DLC1: variants seen among roughly 807,000 people sequenced by gnomAD.
The protein encoded by DLC1 is DLC1 Rho GTPase activating protein.
Under a neutral mutation model 140.3 loss-of-function variants are expected in DLC1, and 54 were observed. The observed-to-expected ratio is 0.38, with a 90% CI of 0.31 to 0.48. DLC1 has a LOEUF of 0.48. Ranked by LOEUF, DLC1 falls within the 20% of genes least tolerant of loss-of-function variation. DLC1 has a pLI of 0.96. For missense variants in DLC1, 2,536 were observed against 1,907.0 expected, an observed-to-expected ratio of 1.33 and a Z score of -6.14; for synonymous variants, 986 against 728.1, an observed-to-expected ratio of 1.35 and a Z score of -5.70.
At chr8:13,218,699 GA>G (rs1331842086) in intron 5 of DLC1, among the ~76,000 whole-genome samples, 1 of 149,686 alleles carries the variant, frequency 6.7e-6, no homozygotes, top group Non-Finnish European at 1.5e-5. Flanking sequence ...GAAGTCTTTT[GA>G]AATAGTTTGG....
At chr8:13,390,392 T>A (rs928310526) in intron 4 of DLC1, among the ~76,000 whole-genome samples, 5 of 152,210 alleles carry the variant, frequency 3.3e-5, no homozygotes, top group Admixed American at 1.3e-4. Flanking sequence ...GTTGGTTCCA[T>A]GTCTTTGCTA....
chr8:13,453,675 A>G (rs180709877), intron 2 of DLC1, among the ~76,000 whole-genome samples: 2 of 148,416 alleles, frequency 1.3e-5, no homozygotes, highest in East Asian at 4.0e-4. Flanking sequence ...TCCTCAAAAG[A>G]ATTTATAGAA....
intron 2 of DLC1, among the ~76,000 whole-genome samples, chr8:13,455,846 G>T (rs1282737860): frequency 6.6e-6 from 1 of 151,978 alleles, no homozygotes; most frequent in Non-Finnish European, 1.5e-5. Flanking sequence ...ACTGCACTCT[G>T]GCCTGGGCAA....
At position 13,099,943 on chromosome 8, in the gene DLC1, G is replaced by A. The variant is rs756174009; in HGVS notation, c.2394C>T (p.Arg798=). The A allele has an allele frequency of 5.6e-6, 9 of 1,613,284 alleles. No homozygotes were observed. The highest frequency in any genetic ancestry group is 1.1e-5 in the South Asian group (1 of 91,088). Residue 798 remains arginine, a synonymous_variant, in exon 9 of 18, where the codon CGC becomes CGT. Coordinates refer to ENST00000276297, the MANE Select transcript of DLC1 (RefSeq NM_182643.3). ...NNVVEQNFKN[R]ESYPEDTVFY... is the part of the protein sequence containing the mutation. ...ACACCGTGTCCTCTGGGTAGCTCTC[G>A]CGGTTCTTAAAGTTCTGCTCCACCA...
intron 2 of DLC1, among the ~76,000 whole-genome samples, chr8:13,450,854 C>T (rs544671338): frequency 7.2e-5 from 11 of 151,748 alleles, no homozygotes; most frequent in Non-Finnish European, 8.8e-5. Context: ...TCCTGGCCAA[C>T]ATGGTGAAAC....
chr8:13,217,849 AAC>A (rs374964101), intron 5 of DLC1, among the ~76,000 whole-genome samples: 125 of 141,552 alleles, frequency 8.8e-4, no homozygotes, highest in African/African-American at 3.0e-3. Flanking sequence ...AAAAAAAAAC[AAC>A]AACAAAAAAA....
chr8:13,349,343 A>G (rs1002178375), intron 4 of DLC1, among the ~76,000 whole-genome samples: 4 of 152,164 alleles, frequency 2.6e-5, no homozygotes, highest in African/African-American at 9.7e-5. Context: ...CAGAATAAGC[A>G]GATTCACCTA....
chr8:13,202,362 T>C (rs983292334), intron 5 of DLC1, among the ~76,000 whole-genome samples: 3 of 152,230 alleles, frequency 2.0e-5, no homozygotes, highest in Admixed American at 1.3e-4. Context: ...CATTGTATAA[T>C]GATTAGATCA....
At chr8:13,199,726 C>T (rs1447211240) in intron 5 of DLC1, among the ~76,000 whole-genome samples, 1 of 151,904 alleles carries the variant, frequency 6.6e-6, no homozygotes, top group Non-Finnish European at 1.5e-5. Context: ...TGGATGATAA[C>T]ATAGAGGTGA....
intron 5 of DLC1, among the ~76,000 whole-genome samples, chr8:13,178,669 CAT>C (rs1210678880): frequency 2.2e-5 from 3 of 133,806 alleles, no homozygotes; most frequent in African/African-American, 8.3e-5. Flanking sequence ...TTTTGCAAAA[CAT>C]ATAATCAACA....
chr8:13,401,679 A>G (rs916516841), intron 2 of DLC1, 60 bp from the exon 3 acceptor site: 2 of 1,567,742 alleles, frequency 1.3e-6, no homozygotes, highest in African/African-American at 1.4e-5. Flanking sequence ...AAGAATAAAA[A>G]GTTCCCTGTT....
At chr8:13,354,270 A>G (rs1834817824) in intron 4 of DLC1, among the ~76,000 whole-genome samples, 1 of 152,110 alleles carries the variant, frequency 6.6e-6, no homozygotes, top group Non-Finnish European at 1.5e-5. Flanking sequence ...ACTCCTGCAG[A>G]AATTTGTACT....
intron 12 of DLC1, among the ~76,000 whole-genome samples, chr8:13,094,070 C>T (rs769453306): frequency 1.7e-4 from 26 of 152,256 alleles, no homozygotes; most frequent in African/African-American, 5.8e-4. Flanking sequence ...TTAAATCCAA[C>T]GGCCCTCCAA....
intron 4 of DLC1, among the ~76,000 whole-genome samples, chr8:13,380,795 C>T (rs1836215694): frequency 6.6e-6 from 1 of 152,198 alleles, no homozygotes; most frequent in African/African-American, 2.4e-5. Context: ...GACCAAGCTG[C>T]AGAGCTTGCA....
chr8:13,496,890 T>C (rs1049428093), intron 2 of DLC1, among the ~76,000 whole-genome samples: 1 of 138,516 alleles, frequency 7.2e-6, no homozygotes, highest in African/African-American at 2.7e-5. Flanking sequence ...AAGCTCCGCC[T>C]CCCGGGTTCA....
At chr8:13,534,300 T>C (rs1803195983) in intron 1 of DLC1, among the ~76,000 whole-genome samples, 1 of 152,182 alleles carries the variant, frequency 6.6e-6, no homozygotes, top group African/African-American at 2.4e-5. Context: ...TTGCACTACC[T>C]TTTACTTCAT....
At chr8:13,468,582 C>A (rs990285994) in intron 2 of DLC1, among the ~76,000 whole-genome samples, 1 of 151,652 alleles carries the variant, frequency 6.6e-6, no homozygotes, top group East Asian at 1.9e-4. Context: ...ACTATGTTGC[C>A]CAGGCTGGTC....
Position 13,303,000 on chromosome 8 carries a change from CTT to C in DLC1, c.1348+2267_1348+2268del, listed in dbSNP as rs141518173. On this transcript the variant is annotated intron_variant, in intron 5 of 17. Coordinates refer to ENST00000276297, the MANE Select transcript of DLC1 (RefSeq NM_182643.3). Reference sequence around the variant, plus strand: ...AAACTTTTGAAATAAATCACATTCTCTTTTGAATTGTCATATTTGTTACCGTG... The same window carrying C: ...AAACTTTTGAAATAAATCACATTCTCTTGAATTGTCATATTTGTTACCGTG... Among the ~76,000 whole-genome samples the C allele has an allele frequency of 5.2e-3, 791 of 152,216 alleles. 9 individuals are homozygous for C. Among genetic ancestry groups the C allele is most frequent in the African/African-American group, 0.018 (757 of 41,542 alleles).
intron 3 of DLC1, among the ~76,000 whole-genome samples, chr8:13,401,045 A>G (rs968303523): frequency 1.3e-5 from 2 of 152,156 alleles, no homozygotes; most frequent in African/African-American, 4.8e-5. Context: ...TTCAACTGGC[A>G]TCCATCCATC....
Sources: allele counts gnomAD v4.1 joint callset (sites outside exome capture counted in the v4.1 genomes callset), GRCh38; gene constraint gnomAD v4.1.1; transcripts MANE v1.5; gene names NCBI Gene and HGNC (gene_info 2026-07-23, HGNC 2026-07-21).